Variants in PTPRJ observed in about 807,000 individuals in gnomAD.
PTPRJ encodes protein tyrosine phosphatase receptor type J, also known as receptor-type tyrosine-protein phosphatase eta.
A neutral mutation model predicts 141.3 loss-of-function variants in PTPRJ; 129 were observed. The ratio of observed to expected loss-of-function variants is 0.91; its 90% confidence interval spans 0.79 to 1.06. The LOEUF (loss-of-function observed/expected upper bound fraction) is 1.06, where lower values mean the gene tolerates loss of function less well. Among genes scored for constraint, PTPRJ ranks in the 50% least tolerant of loss-of-function variants. The pLI, the probability that PTPRJ is intolerant of heterozygous loss-of-function variation, is 0.00. For synonymous variants in PTPRJ, 610 were observed against 640.5 expected (o/e 0.95, Z 0.72); for missense variants, 1,601 against 1,679.7 (o/e 0.95, Z 0.82).
At chr11:48,034,485 A>G (rs1024837474) in intron 1 of PTPRJ, among the ~76,000 whole-genome samples, 24 of 152,200 alleles carry the variant, frequency 1.6e-4, no homozygotes, top group African/African-American at 5.8e-4. Flanking sequence ...GTGTTAAAGG[A>G]TACCTCTATT....
At chr11:48,135,984 A>C in intron 8 of PTPRJ, 55 bp from the exon 9 acceptor site, 4 of 1,577,582 alleles carry the variant, frequency 2.5e-6, no homozygotes, top group Non-Finnish European at 3.5e-6. Flanking sequence ...TTGGAGAGGA[A>C]GCTGGGCGTC....
At chr11:48,126,791 CACACACACACACA>C (rs1856843644) in intron 6 of PTPRJ, among the ~76,000 whole-genome samples, 3 of 137,134 alleles carry the variant, frequency 2.2e-5, no homozygotes, top group African/African-American at 9.3e-5. Flanking sequence ...CACACACACA[CACACACACACACA>C]CACACACACA....
intron 1 of PTPRJ, among the ~76,000 whole-genome samples, chr11:48,037,910 C>T (rs1269789563): frequency 6.6e-6 from 1 of 152,028 alleles, no homozygotes; most frequent in Admixed American, 6.6e-5. Context: ...CCTGTTCTTT[C>T]TGGCCTCCGT....
chr11:47,995,244 G>T (rs1423600550), intron 1 of PTPRJ, among the ~76,000 whole-genome samples: 1 of 152,120 alleles, frequency 6.6e-6, no homozygotes, highest in Non-Finnish European at 1.5e-5. Flanking sequence ...GCTACCATCG[G>T]TTGAATATTT....
intron 2 of PTPRJ, among the ~76,000 whole-genome samples, chr11:48,110,458 C>T (rs548928288): frequency 8.4e-4 from 128 of 152,328 alleles, no homozygotes; most frequent in African/African-American, 3.0e-3. Flanking sequence ...CTTGGCCTCC[C>T]AAAGCGCTGG....
chr11:48,156,220 C>A, intron 21 of PTPRJ, 101 bp downstream of exon 21: 1 of 981,522 alleles, frequency 1.0e-6, no homozygotes, highest in Admixed American at 2.8e-5. Context: ...TAAAAAAACT[C>A]AAACATTAGC....
intron 1 of PTPRJ, among the ~76,000 whole-genome samples, chr11:48,103,774 T>C (rs1856215670): frequency 6.6e-6 from 1 of 152,118 alleles, no homozygotes; most frequent in African/African-American, 2.4e-5. Flanking sequence ...AAATACCCAA[T>C]GGAAACTTCT....
chr11:48,114,910 A>C (rs1420019657), intron 3 of PTPRJ, among the ~76,000 whole-genome samples: 1 of 152,264 alleles, frequency 6.6e-6, no homozygotes, highest in East Asian at 1.9e-4. Flanking sequence ...CTTTGAACAA[A>C]ATGAAAAATG....
intron 8 of PTPRJ, chr11:48,131,903 A>T: frequency 5.6e-6 from 1 of 179,586 alleles, no homozygotes; most frequent in Non-Finnish European, 1.2e-5. Context: ...TCTCTTTTGG[A>T]GTTTTCCAAC....
At chr11:48,023,126 T>TAGACGAGAGAGTAAGAGTAAGAAA (rs1853702032) in intron 1 of PTPRJ, among the ~76,000 whole-genome samples, 1 of 152,168 alleles carries the variant, frequency 6.6e-6, no homozygotes, top group African/African-American at 2.4e-5. Context: ...AACCAGAGTG[T>TAGACGAGAGAGTAAGAGTAAGAAA]AGACGAGAGA....
intron 1 of PTPRJ, among the ~76,000 whole-genome samples, chr11:48,029,743 A>T (rs1853930534): frequency 6.6e-6 from 1 of 152,018 alleles, no homozygotes; most frequent in Non-Finnish European, 1.5e-5. Context: ...TTTGAGGAGG[A>T]TAGACTGAAT....
chr11:47,987,350 G>A (rs1340605173), intron 1 of PTPRJ, among the ~76,000 whole-genome samples: 2 of 152,284 alleles, frequency 1.3e-5, no homozygotes, highest in South Asian at 4.1e-4. Context: ...TAAAAAGTTG[G>A]TCTAAAGAAA....
chr11:48,128,375 G>A (rs1444346122), intron 7 of PTPRJ, among the ~76,000 whole-genome samples: 1 of 152,194 alleles, frequency 6.6e-6, no homozygotes, highest in Non-Finnish European at 1.5e-5. Context: ...AGGAGACCTA[G>A]AGTGAATTGA....
At chr11:48,159,731 C>T (rs1857716045) in intron 21 of PTPRJ, among the ~76,000 whole-genome samples, 199 bp from the exon 22 acceptor site, 1 of 152,128 alleles carries the variant, frequency 6.6e-6, no homozygotes. Flanking sequence ...ATAGCCACCA[C>T]ACTCCAGCCT....
intron 1 of PTPRJ, among the ~76,000 whole-genome samples, chr11:48,074,443 T>G (rs1855345719): frequency 1.3e-5 from 2 of 152,226 alleles, no homozygotes; most frequent in Non-Finnish European, 2.9e-5. Context: ...CCCAAATTAA[T>G]AGACAGTATT....
intron 21 of PTPRJ, 92 bp from the exon 22 acceptor site, chr11:48,159,838 C>T (rs943035890): frequency 9.3e-6 from 14 of 1,500,630 alleles, no homozygotes; most frequent in Non-Finnish European, 1.3e-5. Context: ...ATCTCTGATG[C>T]CAGTTTTCAA....
chr11:48,048,816 A>G (rs1854476419), intron 1 of PTPRJ, among the ~76,000 whole-genome samples: 1 of 152,180 alleles, frequency 6.6e-6, no homozygotes. Context: ...AAAAACAAAA[A>G]TAAACATAAA....
intron 1 of PTPRJ, among the ~76,000 whole-genome samples, chr11:48,062,341 G>A (rs968336639): frequency 5.3e-5 from 8 of 151,950 alleles, no homozygotes; most frequent in Non-Finnish European, 1.0e-4. Flanking sequence ...GTGAAACCCC[G>A]TCTCTACTAA....
At chr11:48,026,670 C>T (rs1853820515) in intron 1 of PTPRJ, among the ~76,000 whole-genome samples, 1 of 151,788 alleles carries the variant, frequency 6.6e-6, no homozygotes, top group Non-Finnish European at 1.5e-5. Context: ...GGATGGTCTC[C>T]ATCTCCTGAC....
Sources: allele counts gnomAD v4.1 joint callset (sites outside exome capture counted in the v4.1 genomes callset), GRCh38; gene constraint gnomAD v4.1.1; transcripts MANE v1.5; gene names NCBI Gene and HGNC (gene_info 2026-07-23, HGNC 2026-07-21).